Variants in ELOVL6 observed in about 807,000 individuals in gnomAD.
ELOVL6 encodes the protein very long chain fatty acid elongase 6.
A neutral mutation model predicts 31.7 loss-of-function variants in ELOVL6; 8 were observed. The observed-to-expected ratio is 0.25, with a 90% CI of 0.15 to 0.45. The LOEUF is 0.45. ELOVL6 is among the 20% of genes least tolerant of loss of function. ELOVL6 has a pLI of 1.00. For synonymous variants in ELOVL6, 101 were observed against 117.7 expected (o/e 0.86, Z 0.92); for missense variants, 126 against 326.4 (o/e 0.39, Z 4.73).
chr4:110,187,696 A>T (rs1205450165), intron 1 of ELOVL6, among the ~76,000 whole-genome samples: 1 of 99,738 alleles, frequency 1.0e-5, no homozygotes, highest in Non-Finnish European at 2.2e-5. Flanking sequence ...AACTCCATCT[A>T]AAAAAAAAAA....
chr4:110,191,150 A>G (rs1388387282), intron 1 of ELOVL6, among the ~76,000 whole-genome samples: 2 of 152,182 alleles, frequency 1.3e-5, no homozygotes, highest in African/African-American at 4.8e-5. Flanking sequence ...GGACCCATGT[A>G]TCTCTAAAAT....
At chr4:110,178,731 G>A (rs1445005703) in intron 1 of ELOVL6, among the ~76,000 whole-genome samples, 1 of 151,642 alleles carries the variant, frequency 6.6e-6, no homozygotes, top group East Asian at 1.9e-4. Flanking sequence ...GTGCTTGCCT[G>A]TAGTCTCAGC....
intron 1 of ELOVL6, among the ~76,000 whole-genome samples, chr4:110,186,703 C>T (rs903552690): frequency 6.7e-6 from 1 of 149,522 alleles, no homozygotes; most frequent in South Asian, 2.1e-4. Context: ...AGTCAGGAAG[C>T]TAAGGTGGGA....
At position 110,198,414 on chromosome 4, in the gene ELOVL6, TC is replaced by T; in HGVS notation, c.-80del. 1.1e-6 allele frequency: 1 copy of T among 885,038 alleles called. No homozygotes were observed. The highest frequency in any genetic ancestry group is 1.8e-6 in the Non-Finnish European group (1 of 550,598). 54.8% of individuals were successfully genotyped at this position (885,038 alleles called of 1,614,324 possible). On this transcript the variant is annotated 5_prime_UTR_variant, in exon 1 of 4. Transcript: ENST00000302274. ...GTAAAGCGCTTGATTTCGAGTGTTC[TC>T]CTGTCTGCTTCCCCCACCCACCCCC...
chr4:110,107,245 C>G (rs1756914196), intron 1 of ELOVL6, among the ~76,000 whole-genome samples: 1 of 152,104 alleles, frequency 6.6e-6, no homozygotes, highest in Admixed American at 6.6e-5. Context: ...AGAAATCAAC[C>G]CATAAGTAAA....
rs1553956196 is a variant in ELOVL6, at chr4:110,084,448, G to GATATGTATGATATATCA, written c.221+21048_221+21049insTGATATATCATACATAT. ...TCACATATATCATATATGATATATC[G>GATATGTATGATATATCA]CATATATCATATATGATATATAACA... On this transcript the variant is annotated intron_variant, in intron 2 of 3. Transcript: ENST00000302274. Among the ~76,000 whole-genome samples the GATATGTATGATATATCA allele has an allele frequency of 1.4e-3, 45 of 32,088 alleles. 2 individuals are homozygous for GATATGTATGATATATCA. The East Asian group carries it at 0.06, about 43-fold the overall frequency. 21.1% of individuals were successfully genotyped at this position (32,088 alleles called of 152,430 possible).
At chr4:110,129,589 T>C (rs1757607479) in intron 1 of ELOVL6, among the ~76,000 whole-genome samples, 2 of 152,128 alleles carry the variant, frequency 1.3e-5, no homozygotes, top group Admixed American at 1.3e-4. Context: ...CTGGGAAAGG[T>C]TTTTAAAACA....
intron 1 of ELOVL6, among the ~76,000 whole-genome samples, chr4:110,154,711 C>G (rs1406575176): frequency 6.6e-6 from 1 of 152,224 alleles, no homozygotes; most frequent in Non-Finnish European, 1.5e-5. Flanking sequence ...GCTAACTTTT[C>G]TCTTACACCA....
intron 1 of ELOVL6, among the ~76,000 whole-genome samples, chr4:110,169,454 G>GC (rs1368002140): frequency 6.6e-6 from 1 of 151,478 alleles, no homozygotes; most frequent in East Asian, 2.0e-4. Flanking sequence ...GGCCAGGCTG[G>GC]CTGGCCTGTA....
chr4:110,185,830 A>G (rs1333848292), intron 1 of ELOVL6, among the ~76,000 whole-genome samples: 2 of 152,144 alleles, frequency 1.3e-5, no homozygotes, highest in Non-Finnish European at 2.9e-5. Flanking sequence ...CACTCCATGT[A>G]TAATGGACTG....
rs1008949209 is a variant in ELOVL6, at chr4:110,120,798, CTTTTT to C, written c.90-15175_90-15171del. Among the ~76,000 whole-genome samples the C allele has an allele frequency of 1.0e-4, 12 of 117,862 alleles. No individual in the cohort carries two copies. In the South Asian group the frequency reaches 1.2e-3, roughly 12 times the overall value. The allele number at this position is 117,862 out of a possible 152,430, so 77.3% of individuals were successfully genotyped here. A position where few individuals can be genotyped will look rare whatever the true frequency, so the allele number is the denominator to read the frequency against. Reference sequence around the variant, plus strand: ...CTGGTTCTTTTCTTTTTTTTCTTTTCTTTTTTTTTTTTTTTTTTTTGAAACAGAGT... The same window carrying C: ...CTGGTTCTTTTCTTTTTTTTCTTTTCTTTTTTTTTTTTTTTGAAACAGAGT... On this transcript the variant is annotated intron_variant, in intron 1 of 3. Coordinates refer to ENST00000302274, the MANE Select transcript of ELOVL6 (RefSeq NM_024090.3).
chr4:110,117,903 A>ATATATATATATATAT (rs1553958739), intron 1 of ELOVL6: 2 of 6,500 alleles, frequency 3.1e-4, no homozygotes, highest in Non-Finnish European at 7.5e-4. Flanking sequence ...AAAAAAAAAA[A>ATATATATATATATAT]ATATATATAT....
chr4:110,062,798 C>G (rs1378303047), intron 2 of ELOVL6, among the ~76,000 whole-genome samples: 1 of 152,158 alleles, frequency 6.6e-6, no homozygotes, highest in Non-Finnish European at 1.5e-5. Context: ...AAATCGAACC[C>G]TTTGTACAAT....
intron 1 of ELOVL6, among the ~76,000 whole-genome samples, chr4:110,106,480 C>T (rs889925198): frequency 6.6e-6 from 1 of 152,146 alleles, no homozygotes; most frequent in Non-Finnish European, 1.5e-5. Flanking sequence ...AGGAACAGAA[C>T]TGAGGGTTCC....
At chr4:110,096,113 T>C (rs1330990535) in intron 2 of ELOVL6, among the ~76,000 whole-genome samples, 3 of 152,214 alleles carry the variant, frequency 2.0e-5, no homozygotes, top group Non-Finnish European at 4.4e-5. Context: ...TTCTTCCTTT[T>C]TCTTTTTTAT....
Position 110,096,251 on chromosome 4 carries a change from A to G in ELOVL6, c.221+9246T>C, listed in dbSNP as rs367749342. On this transcript the variant is annotated intron_variant, in intron 2 of 3. Transcript: ENST00000302274. ...ACACTGAGACAACGTGCATAAAACT[A>G]AAGACTGTCCTGAGCAGACCAAGTT... is the stretch of plus-strand genomic sequence containing the variant. Among the ~76,000 whole-genome samples the G allele has an allele frequency of 1.4e-3, 219 of 152,332 alleles. 2 individuals are homozygous for G. Among genetic ancestry groups the G allele is most frequent in the Middle Eastern group, 0.01 (3 of 294 alleles).
intron 2 of ELOVL6, among the ~76,000 whole-genome samples, chr4:110,103,643 G>A (rs1430897500): frequency 6.6e-6 from 1 of 152,088 alleles, no homozygotes; most frequent in Non-Finnish European, 1.5e-5. Flanking sequence ...CAACTTATAA[G>A]AAATAGAAGG....
In ELOVL6 at chr4:110,194,188, A is replaced by C. The variant is rs532250737; in HGVS notation, c.89+4059T>G. Among the ~76,000 whole-genome samples, 43 of 147,516 alleles carry C rather than the reference A, an allele frequency of 2.9e-4. 1 individual carries two copies. The East Asian group carries it at 6.2e-3, about 21-fold the overall frequency. ...GCACTTCCAACTTAAGTCAGCTCTT[A>C]GTGAGAAAAACAGGTAAAGGCCAGA... On this transcript the variant is annotated intron_variant, in intron 1 of 3. Transcript: ENST00000302274.
chr4:110,153,780 A>G (rs1216152987), intron 1 of ELOVL6, among the ~76,000 whole-genome samples: 2 of 152,224 alleles, frequency 1.3e-5, no homozygotes, highest in African/African-American at 4.8e-5. Flanking sequence ...TCTTCATTTA[A>G]AGTAGGATCC....
Sources: allele counts gnomAD v4.1 joint callset (sites outside exome capture counted in the v4.1 genomes callset), GRCh38; gene constraint gnomAD v4.1.1; transcripts MANE v1.5; gene names NCBI Gene and HGNC (gene_info 2026-07-23, HGNC 2026-07-21).